Variants in TECPR2 observed in about 807,000 individuals in gnomAD.
The protein encoded by TECPR2 is tectonin beta-propeller repeat-containing protein 2.
A neutral mutation model predicts 138.1 loss-of-function variants in TECPR2; 65 were observed. The observed-to-expected ratio is 0.47, with a 90% confidence interval of 0.39 to 0.58. TECPR2 has a LOEUF of 0.58. Ranked by LOEUF, TECPR2 falls within the 20% of genes least tolerant of loss-of-function variation. The probability of loss-of-function intolerance (pLI) is 0.00; values close to 1 mark genes in which losing one functional copy is unlikely to be tolerated. For missense variants in TECPR2, 1,553 were observed against 1,824.5 expected (o/e 0.85, Z 2.71); for synonymous variants, 746 against 749.8 (o/e 0.99, Z 0.08).
chr14:102,425,347 C>T (rs1203919762), intron 6 of TECPR2, 56 bp downstream of exon 6: 6 of 1,513,154 alleles, frequency 4.0e-6, no homozygotes, highest in Non-Finnish European at 5.3e-6. Flanking sequence ...GAATGTATCT[C>T]TATAAACTGT....
rs970709957 is a variant in TECPR2, at chr14:102,376,768, T to C, written c.47T>C (p.Leu16Ser). 1 of 1,614,232 alleles carries C rather than the reference T, an allele frequency of 6.2e-7. No homozygotes were observed. The highest frequency in any genetic ancestry group is 8.5e-7 in the Non-Finnish European group (1 of 1,180,036). The change falls in exon 2 of 20, where the codon TTG (leucine) becomes TCG (serine). Residue 16 changes from leucine to serine, a missense_variant. Physicochemically the swap from Leu to Ser is moderately radical, Grantham distance 145. Coordinates refer to ENST00000359520, the MANE Select transcript of TECPR2 (RefSeq NM_014844.5). ...EPVTFREFCP[L>S]YYLLNAIPTK... ...GTTACATTCAGAGAGTTCTGCCCGTTGTACTATCTCCTCAATGCCATTCCG... is the reference window on the plus strand; with the variant it reads ...GTTACATTCAGAGAGTTCTGCCCGTCGTACTATCTCCTCAATGCCATTCCG...
At position 102,431,908 on chromosome 14, in the gene TECPR2, C is replaced by T. The variant is rs1889503222; in HGVS notation, c.1197C>T (p.Ala399=). Residue 399 remains alanine, a synonymous_variant, in exon 8 of 20, where the codon GCC becomes GCT. Transcript: ENST00000359520. ...SETRLRGSSM[A]SSVASEPRSR... ...CGAGGCTCAGAGGCTCTTCCATGGC[C>T]AGCTCCGTGGCCAGCGAGCCAAGGA... 6.2e-7 allele frequency: 1 copy of T among 1,610,864 alleles called. No homozygotes were observed. The highest frequency in any genetic ancestry group is 1.3e-5 in the African/African-American group (1 of 74,902).
intron 2 of TECPR2, among the ~76,000 whole-genome samples, chr14:102,388,521 C>T (rs1567319749): frequency 6.6e-6 from 1 of 151,108 alleles, no homozygotes; most frequent in Non-Finnish European, 1.5e-5. Flanking sequence ...TGGTGAAACC[C>T]CATCTCTACT....
Position 102,376,650 on chromosome 14 carries a change from C to A in TECPR2, c.-72C>A. ...AGGATTGTAATGCTTTGTTCTGTAG[C>A]CCCCAGGTTTCCCTAGATGACAAAT... On this transcript the variant is annotated splice_region_variant and 5_prime_UTR_variant, in exon 2 of 20. Transcript: ENST00000359520. 1 of 1,368,812 alleles carries A rather than the reference C, an allele frequency of 7.3e-7. No individual in the cohort carries two copies. 84.8% of individuals were successfully genotyped at this position (1,368,812 alleles called of 1,614,324 possible). A position where few individuals can be genotyped will look rare whatever the true frequency, so the allele number is the denominator to read the frequency against.
intron 2 of TECPR2, among the ~76,000 whole-genome samples, chr14:102,390,536 G>A (rs1419062376): frequency 6.6e-6 from 1 of 152,254 alleles, no homozygotes; most frequent in East Asian, 1.9e-4. Context: ...GAATGTGTGT[G>A]GCAGAAGGAA....
chr14:102,421,372 C>T (rs1176023948), intron 5 of TECPR2, among the ~76,000 whole-genome samples: 2 of 152,318 alleles, frequency 1.3e-5, no homozygotes, highest in African/African-American at 2.4e-5. Flanking sequence ...ACCCTTGGTT[C>T]GTCCTAACGA....
At chr14:102,407,993 T>C (rs1888709936) in intron 3 of TECPR2, among the ~76,000 whole-genome samples, 1 of 148,496 alleles carries the variant, frequency 6.7e-6, no homozygotes, top group Non-Finnish European at 1.5e-5. Context: ...GGAGACTCCA[T>C]CTAAAAAAAG....
At position 102,449,619 on chromosome 14, in the gene TECPR2, C is replaced by T. The variant is rs1890084383; in HGVS notation, c.3076-10C>T. On this transcript the variant is annotated splice_polypyrimidine_tract_variant and intron_variant, in intron 13 of 19. Transcript: ENST00000359520. ...TGACAGCAGGGCTTTTGCTTGTCTC[C>T]TCCTTCCAGGTGAGCATCACGGACT... 7 of 1,613,082 alleles carry T rather than the reference C, an allele frequency of 4.3e-6. No homozygotes were observed. The highest frequency in any genetic ancestry group is 5.9e-6 in the Non-Finnish European group (7 of 1,179,232).
rs375298462 is a variant in TECPR2 at position 102,434,201 on chromosome 14, G to A, written c.1418-34G>A. 44 of 1,343,558 alleles carry A rather than the reference G, an allele frequency of 3.3e-5. No individual in the cohort carries two copies. In the African/African-American group the frequency reaches 3.8e-4, roughly 12 times the overall value. 83.2% of individuals were successfully genotyped at this position (1,343,558 alleles called of 1,614,324 possible). On this transcript the variant is annotated intron_variant, in intron 8 of 19. Transcript: ENST00000359520. ...AGTCTCTTACTAATCATATAGAACC[G>A]TGCCTTATTTTGAATGTTCTTATTC...
chr14:102,462,422 G>C (rs1890430405), intron 16 of TECPR2, among the ~76,000 whole-genome samples: 1 of 152,212 alleles, frequency 6.6e-6, no homozygotes, highest in African/African-American at 2.4e-5. Flanking sequence ...TTTTGGAATA[G>C]AGAAATTGTC....
intron 2 of TECPR2, among the ~76,000 whole-genome samples, chr14:102,388,050 C>T (rs115578563): frequency 2.2e-3 from 341 of 152,310 alleles, no homozygotes; most frequent in African/African-American, 7.1e-3. Context: ...ACTTTATAGA[C>T]ATATTTTAAA....
chr14:102,371,923 A>G (rs1887518077), intron 1 of TECPR2, among the ~76,000 whole-genome samples: 1 of 152,194 alleles, frequency 6.6e-6, no homozygotes, highest in Non-Finnish European at 1.5e-5. Flanking sequence ...TTATATACAT[A>G]TATCTGTAGC....
chr14:102,372,423 G>C (rs1427159648), intron 1 of TECPR2, among the ~76,000 whole-genome samples: 4 of 151,954 alleles, frequency 2.6e-5, no homozygotes, highest in Non-Finnish European at 5.9e-5. Context: ...GCGCCACCAC[G>C]CCCAGGTAAT....
Position 102,434,294 on chromosome 14 carries a change from C to T in TECPR2, c.1477C>T (p.Pro493Ser), listed in dbSNP as rs150165045. The T allele has an allele frequency of 5.4e-5, 76 of 1,399,080 alleles. 1 individual carries two copies. The East Asian group carries it at 1.7e-3, about 31-fold the overall frequency. 86.7% of individuals were successfully genotyped at this position (1,399,080 alleles called of 1,614,324 possible). The change falls in exon 9 of 20, where the codon CCT (proline) becomes TCT (serine). Residue 493 changes from proline (P) to serine (S), a missense_variant. Physicochemically the swap from Pro to Ser is moderately conservative, Grantham distance 74 (BLOSUM62 -1). Transcript: ENST00000359520. The part of the protein sequence containing the change: ...SLESTPCSEF[P>S]GDSPQSLNTD... The stretch of plus-strand genomic sequence containing the variant: ...GGAATCGACACCCTGCTCCGAATTT[C>T]CTGGGGACAGTCCCCAGTCCTTGAA...
rs199767439 is a variant in TECPR2, at chr14:102,410,475, AAAAAAAT to A, written c.480+1877_480+1883del. Among the ~76,000 whole-genome samples, 127 of 147,754 alleles carry A rather than the reference AAAAAAAT, an allele frequency of 8.6e-4. 2 individuals carry two copies. The highest frequency in any genetic ancestry group is 4.8e-3 in the Admixed American group (72 of 14,952). On this transcript the variant is annotated intron_variant, in intron 4 of 19. Transcript: ENST00000359520. ...TTATCAATAAAAAAATAAATTAAAAAAAAAAATAAAAAATAAAAAATAAAAAAATAAA... is the reference window on the plus strand; with the variant it reads ...TTATCAATAAAAAAATAAATTAAAAAAAAAAATAAAAAATAAAAAAATAAA...
chr14:102,407,605 T>A, intron 3 of TECPR2, 139 bp downstream of exon 3: 1 of 1,193,318 alleles, frequency 8.4e-7, no homozygotes, highest in Non-Finnish European at 1.1e-6. Flanking sequence ...GGCTCATGCC[T>A]GTAATCCCAG....
intron 16 of TECPR2, among the ~76,000 whole-genome samples, chr14:102,458,945 T>TA (rs894474077): frequency 0.014 from 1,584 of 115,888 alleles, 19 homozygotes; most frequent in African/African-American, 0.045. Context: ...TCCTGTTTCT[T>TA]AAAAAAAAAA....
At chr14:102,418,143 A>G (rs1261365037) in intron 5 of TECPR2, among the ~76,000 whole-genome samples, 1 of 152,150 alleles carries the variant, frequency 6.6e-6, no homozygotes, top group Admixed American at 6.5e-5. Flanking sequence ...AGCCCAGGGA[A>G]GAAGTCTTGA....
At chr14:102,407,642 T>TCA (rs1888697945) in intron 3 of TECPR2, among the ~76,000 whole-genome samples, 176 bp downstream of exon 3, 1 of 152,154 alleles carries the variant, frequency 6.6e-6, no homozygotes. Context: ...GGCGGGCTGA[T>TCA]CACGAGGTCA....
Sources: gnomAD v4.1 joint callset for allele counts (sites outside exome capture counted in the v4.1 genomes callset) on GRCh38, gnomAD v4.1.1 for gene constraint, MANE v1.5 for transcripts, NCBI Gene and HGNC (gene_info 2026-07-23, HGNC 2026-07-21) for gene names.